NEBL: variants seen among roughly 807,000 people sequenced by gnomAD.
NEBL encodes nebulette.
Under a neutral mutation model 140.2 loss-of-function variants are expected in NEBL, and 122 were observed. The observed-to-expected ratio is 0.87, with a 90% CI of 0.75 to 1.01. NEBL has a LOEUF of 1.01. Ranked by LOEUF, NEBL falls within the 50% of genes least tolerant of loss-of-function variation. The pLI is 0.00. For synonymous variants in NEBL, 436 were observed against 398.9 expected (o/e 1.09, Z -1.11); for missense variants, 1,365 against 1,231.3 (o/e 1.11, Z -1.62).
chr10:21,266,669 C>G (rs566758130), intron 1 of NEBL, among the ~76,000 whole-genome samples: 2 of 152,218 alleles, frequency 1.3e-5, no homozygotes, highest in South Asian at 2.1e-4. Flanking sequence ...TTTTCAGATG[C>G]CTGTGTCTCT....
At chr10:21,266,103 AG>A (rs1379303728) in intron 1 of NEBL, among the ~76,000 whole-genome samples, 1 of 151,760 alleles carries the variant, frequency 6.6e-6, no homozygotes, top group Non-Finnish European at 1.5e-5. Context: ...ATCGATCACC[AG>A]GTATGCTGAT....
At chr10:21,161,803 T>C (rs1391185617) in intron 2 of NEBL, among the ~76,000 whole-genome samples, 1 of 152,142 alleles carries the variant, frequency 6.6e-6, no homozygotes, top group Non-Finnish European at 1.5e-5. Flanking sequence ...AGCATGCCTG[T>C]TGTATAATAA....
chr10:20,967,077 A>G (rs1368366413), intron 3 of NEBL, among the ~76,000 whole-genome samples: 1 of 151,650 alleles, frequency 6.6e-6, no homozygotes, highest in Non-Finnish European at 1.5e-5. Context: ...GGATGGGCAC[A>G]TCCTACAGCT....
chr10:20,916,007 T>C (rs895595346), intron 4 of NEBL, among the ~76,000 whole-genome samples: 7 of 152,226 alleles, frequency 4.6e-5, no homozygotes, highest in African/African-American at 1.4e-4. Flanking sequence ...CAGTAAGACA[T>C]AACAGACTGT....
intron 2 of NEBL, among the ~76,000 whole-genome samples, chr10:21,034,969 T>G (rs1833956408): frequency 6.6e-6 from 1 of 150,838 alleles, no homozygotes; most frequent in Non-Finnish European, 1.5e-5. Flanking sequence ...TTTATTTATT[T>G]ATTTATTTAT....
intron 3 of NEBL, among the ~76,000 whole-genome samples, chr10:20,969,084 T>A (rs1289845965): frequency 2.0e-5 from 3 of 152,184 alleles, no homozygotes; most frequent in Admixed American, 6.5e-5. Context: ...GTTTTGTACG[T>A]TTAAGGTCTA....
At chr10:20,949,713 A>T (rs1234890458) in intron 4 of NEBL, among the ~76,000 whole-genome samples, 1 of 152,172 alleles carries the variant, frequency 6.6e-6, no homozygotes, top group Non-Finnish European at 1.5e-5. Context: ...TATATAGAAT[A>T]CTGTGGTTTG....
intron 9 of NEBL, 114 bp downstream of exon 9, chr10:20,858,126 G>A (rs1351092382): frequency 1.3e-6 from 1 of 792,444 alleles, no homozygotes; most frequent in Non-Finnish European, 2.2e-6. Flanking sequence ...AGTTAACGAG[G>A]GAGGAGTGAG....
At chr10:21,143,923 CTT>C (rs1363964437) in intron 2 of NEBL, among the ~76,000 whole-genome samples, 1 of 151,592 alleles carries the variant, frequency 6.6e-6, no homozygotes, top group Non-Finnish European at 1.5e-5. Context: ...CAAGTTTACT[CTT>C]TTACACAGAA....
At chr10:21,280,616 T>C (rs111547988) in intron 1 of NEBL, among the ~76,000 whole-genome samples, 5,143 of 119,570 alleles carry the variant, frequency 0.043, 350 homozygotes, top group African/African-American at 0.16. Context: ...GTTTTTCTTT[T>C]TCCTTTTTTT....
chr10:21,140,173 AAAT>A (rs762230210), intron 2 of NEBL, among the ~76,000 whole-genome samples: 2 of 152,002 alleles, frequency 1.3e-5, no homozygotes, highest in Non-Finnish European at 2.9e-5. Context: ...AATAAATGTA[AAAT>A]AATAATAATA....
intron 26 of NEBL, among the ~76,000 whole-genome samples, chr10:20,787,861 T>G (rs1334317417): frequency 6.6e-6 from 1 of 152,196 alleles, no homozygotes; most frequent in Non-Finnish European, 1.5e-5. Context: ...AAACATTTAC[T>G]TAGAATATAT....
At position 21,127,072 on chromosome 10, in the gene NEBL, T is replaced by G. The variant is rs1314533641; in HGVS notation, c.164+45311A>C. The stretch of plus-strand genomic sequence containing the variant: ...AACTGATTCAATACACTCAAACGCA[T>G]CCATGGTTTTATAATGAGTTGATAA... On this transcript the variant is annotated intron_variant, in intron 2 of 6. Coordinates refer to the NEBL transcript ENST00000417816. Among the ~76,000 whole-genome samples, 3 of 150,024 alleles carry G rather than the reference T, an allele frequency of 2.0e-5. No individual in the cohort carries two copies. The South Asian group carries it at 6.4e-4, about 32-fold the overall frequency.
intron 4 of NEBL, among the ~76,000 whole-genome samples, chr10:20,948,294 C>T (rs537412682): frequency 1.8e-4 from 28 of 152,292 alleles, no homozygotes; most frequent in African/African-American, 5.3e-4. Context: ...TGCCTTTCAA[C>T]CAATAACATA....
chr10:21,056,931 A>T (rs1165149180), intron 2 of NEBL, among the ~76,000 whole-genome samples: 16 of 152,186 alleles, frequency 1.1e-4, no homozygotes, highest in African/African-American at 3.9e-4. Flanking sequence ...GTCAAAGACA[A>T]AAGTGCTCAT....
At chr10:20,887,603 G>C (rs920385713) in intron 4 of NEBL, among the ~76,000 whole-genome samples, 1 of 151,922 alleles carries the variant, frequency 6.6e-6, no homozygotes. Flanking sequence ...TTTTGGTAGA[G>C]ACCAGCTTTT....
chr10:20,919,006 T>A (rs1833449080), intron 4 of NEBL, among the ~76,000 whole-genome samples: 1 of 152,172 alleles, frequency 6.6e-6, no homozygotes, highest in South Asian at 2.1e-4. Context: ...AGGTCAGTAG[T>A]AGAATTCTGG....
At chr10:21,247,724 CAG>C (rs1268066840) in intron 3 of NEBL, 2 of 152,390 alleles carry the variant, frequency 1.3e-5, no homozygotes, top group African/African-American at 2.4e-5. Context: ...TGAAATCATG[CAG>C]AGTGTGGTGC....
rs1361163926 is a variant in NEBL at position 20,822,655 on chromosome 10, ATATAGATATATAGAGAC to A, written c.1962+536_1962+552del. ...ATACAGACTATCTAATATAGGCTAT[ATATAGATATATAGAGAC>A]TATAGATATATAGATATATAGAGAC... On this transcript the variant is annotated intron_variant, in intron 19 of 27. Coordinates refer to ENST00000377122, the MANE Select transcript of NEBL (RefSeq NM_006393.3). Among the ~76,000 whole-genome samples the A allele has an allele frequency of 8.2e-3, 748 of 91,428 alleles. 3 individuals carry two copies. The highest frequency in any genetic ancestry group is 0.021 in the African/African-American group (722 of 34,172). The allele number at this position is 91,428 out of a possible 152,430, so 60.0% of individuals were successfully genotyped here. A position where few individuals can be genotyped will look rare whatever the true frequency, so the allele number is the denominator to read the frequency against.
Sources: gnomAD v4.1 joint callset for allele counts (sites outside exome capture counted in the v4.1 genomes callset) on GRCh38, gnomAD v4.1.1 for gene constraint, MANE v1.5 for transcripts, NCBI Gene and HGNC (gene_info 2026-07-23, HGNC 2026-07-21) for gene names.